Variants in PCDHA6 observed in about 807,000 individuals in gnomAD.
PCDHA6 encodes protocadherin alpha 6.
In PCDHA6, 55 loss-of-function variants were observed where a neutral mutation model predicts 60.3. That is an observed-to-expected ratio of 0.91 (90% CI 0.73 to 1.14). The LOEUF (loss-of-function observed/expected upper bound fraction) is 1.14. PCDHA6 is among the 50% of genes most tolerant of loss of function. The pLI, the probability that PCDHA6 is intolerant of heterozygous loss-of-function variation, is 0.00. For synonymous variants in PCDHA6, 652 were observed against 557.9 expected, an observed-to-expected ratio of 1.17 and a Z score of -2.38; for missense variants, 1,327 against 1,256.5, an observed-to-expected ratio of 1.06 and a Z score of -0.85.
intron 1 of PCDHA6, chr5:140,867,147 C>T (rs1554160998): frequency 6.6e-6 from 1 of 152,068 alleles, no homozygotes; most frequent in East Asian, 1.9e-4. Flanking sequence ...TATCATTTTT[C>T]CAGAGTAAAC....
rs146587864 is a variant in PCDHA6 at position 140,950,030 on chromosome 5, A to G, written c.2395-28919A>G. Among the ~76,000 whole-genome samples the G allele has an allele frequency of 2.6e-4, 39 of 152,064 alleles. 1 individual carries two copies. The East Asian group carries it at 4.8e-3, about 19-fold the overall frequency. On this transcript the variant is annotated intron_variant, in intron 1 of 3. Transcript: ENST00000529310. ...TGTACAACCTTCATAAAATATAGAA[A>G]AGTTACAACCATATAAGACTATTTA...
intron 1 of PCDHA6, chr5:140,968,638 A>T: frequency 6.2e-7 from 1 of 1,614,184 alleles, no homozygotes; most frequent in Non-Finnish European, 8.5e-7. Context: ...TTTACCATCT[A>T]GCCCAGACTT....
In PCDHA6 at chr5:141,010,369, G is replaced by A. The variant is rs963959073; in HGVS notation, c.*432G>A. The A allele has an allele frequency of 1.8e-4, 270 of 1,474,338 alleles. No homozygotes were observed. The highest frequency in any genetic ancestry group is 7.1e-5 in the Non-Finnish European group (79 of 1,109,414). 91.3% of individuals were successfully genotyped at this position (1,474,338 alleles called of 1,614,324 possible). On this transcript the variant is annotated 3_prime_UTR_variant, in exon 4 of 4. Transcript: ENST00000529310. ...GTATGTGTGGCTACCGCGGGTATGCGAGTGCCAGATATTGGCTGAGACGAG... is the reference window on the plus strand; with the variant it reads ...GTATGTGTGGCTACCGCGGGTATGCAAGTGCCAGATATTGGCTGAGACGAG...
chr5:140,967,503 G>A (rs369053625), intron 1 of PCDHA6: 14 of 1,612,820 alleles, frequency 8.7e-6, no homozygotes, highest in African/African-American at 2.7e-5. Flanking sequence ...ATCTCTGTGC[G>A]TGTCCTGGAC....
At chr5:140,959,506 A>G (rs1554224114) in intron 1 of PCDHA6, among the ~76,000 whole-genome samples, 6 of 152,226 alleles carry the variant, frequency 3.9e-5, no homozygotes. Flanking sequence ...AAACTAAAAA[A>G]TTTTAAGATC....
chr5:140,917,485 C>T (rs191372458), intron 1 of PCDHA6, among the ~76,000 whole-genome samples: 1 of 152,326 alleles, frequency 6.6e-6, no homozygotes, highest in Admixed American at 6.5e-5. Flanking sequence ...TTGCCAGGGC[C>T]TATGCCCAGA....
At chr5:140,937,981 T>TA (rs1554211927) in intron 1 of PCDHA6, among the ~76,000 whole-genome samples, 2 of 152,254 alleles carry the variant, frequency 1.3e-5, no homozygotes, top group Non-Finnish European at 2.9e-5. Flanking sequence ...ATACTGATTT[T>TA]ATGTTAACTT....
intron 1 of PCDHA6, among the ~76,000 whole-genome samples, chr5:140,879,020 TATTG>T (rs1366518511): frequency 6.6e-6 from 1 of 152,230 alleles, no homozygotes; most frequent in African/African-American, 2.4e-5. Context: ...GATAATGTTT[TATTG>T]AAGAGTGTCT....
Position 140,851,360 on chromosome 5 carries a change from A to C in PCDHA6, c.2394+20875A>C, listed in dbSNP as rs1554145369. 3.1e-6 allele frequency: 3 copies of C among 978,096 alleles called. No homozygotes were observed. In the African/African-American group the frequency reaches 5.2e-5, roughly 17 times the overall value. 60.6% of individuals were successfully genotyped at this position (978,096 alleles called of 1,614,324 possible). On this transcript the variant is annotated intron_variant, in intron 1 of 3. Transcript: ENST00000529310. ...TACATTTCTCTGGATGGAGACTGTG[A>C]ACATCTGATTGTTCAGCAACCTTCA...
chr5:140,925,203 A>G (rs1201965893), intron 1 of PCDHA6, among the ~76,000 whole-genome samples: 4 of 152,310 alleles, frequency 2.6e-5, no homozygotes, highest in South Asian at 4.1e-4. Flanking sequence ...TTCAATAATT[A>G]TCGATACTTT....
intron 1 of PCDHA6, among the ~76,000 whole-genome samples, chr5:140,909,158 A>G (rs2074345366): frequency 6.6e-6 from 1 of 152,338 alleles, no homozygotes; most frequent in Non-Finnish European, 1.5e-5. Flanking sequence ...TATGGAAGGG[A>G]AAATCAATCA....
intron 3 of PCDHA6, among the ~76,000 whole-genome samples, chr5:140,997,598 TG>T (rs1182118908): frequency 6.6e-5 from 10 of 152,124 alleles, no homozygotes; most frequent in Admixed American, 2.0e-4. Context: ...AACATGATTA[TG>T]GGGCGCATGA....
In PCDHA6 at chr5:140,830,166, C is replaced by T. The variant is rs144102346; in HGVS notation, c.2075C>T (p.Ala692Val). ...ASVGAAGPEA[A>V]LVDVNVYLII... is the part of the protein sequence containing the mutation. Reference sequence around the variant, plus strand: ...GTGGGCGCCGCGGGCCCAGAGGCGGCGCTGGTGGATGTCAACGTGTACCTG... The same window carrying T: ...GTGGGCGCCGCGGGCCCAGAGGCGGTGCTGGTGGATGTCAACGTGTACCTG... Residue 692 changes from alanine (A) to valine (V), a missense_variant, in exon 1 of 4, where the codon GCG becomes GTG. Transcript: ENST00000529310. 1.9e-4 allele frequency: 303 copies of T among 1,613,518 alleles called. 1 individual carries two copies. The African/African-American group carries it at 3.5e-3, about 18-fold the overall frequency.
intron 1 of PCDHA6, among the ~76,000 whole-genome samples, chr5:140,914,601 T>G (rs190275610): frequency 1.8e-4 from 27 of 152,294 alleles, no homozygotes; most frequent in Non-Finnish European, 3.7e-4. Context: ...AGGAACTTCC[T>G]CCTGCCATTT....
intron 1 of PCDHA6, among the ~76,000 whole-genome samples, chr5:140,944,212 G>A (rs2093625655): frequency 6.6e-6 from 1 of 152,158 alleles, no homozygotes; most frequent in Non-Finnish European, 1.5e-5. Flanking sequence ...TTTTTAAAGA[G>A]GGTTTTACTC....
intron 1 of PCDHA6, among the ~76,000 whole-genome samples, chr5:140,845,317 T>C (rs1779816111): frequency 6.7e-6 from 1 of 149,682 alleles, no homozygotes; most frequent in Non-Finnish European, 1.5e-5. Context: ...TCTCAGGTAT[T>C]ACTTTAATTA....
intron 1 of PCDHA6, chr5:140,928,403 G>A (rs1554205862): frequency 6.2e-7 from 1 of 1,613,964 alleles, no homozygotes; most frequent in Non-Finnish European, 8.5e-7. Context: ...GAATCATCCA[G>A]TGGGGCCATC....
chr5:140,927,706 C>G lies in PCDHA6; in HGVS notation c.2395-51243C>G, dbSNP rs1584519766. The G allele has an allele frequency of 1.2e-6, 2 of 1,614,108 alleles. No homozygotes were observed. Among genetic ancestry groups the G allele is most frequent in the African/African-American group, 2.7e-5 (2 of 74,940 alleles). Reference sequence around the variant, plus strand: ...GTCCAATGGGGAAGTCCAGTACTCCCTAAGCAACAGCACGCAAGCAGAGCT... The same window carrying G: ...GTCCAATGGGGAAGTCCAGTACTCCGTAAGCAACAGCACGCAAGCAGAGCT... On this transcript the variant is annotated intron_variant, in intron 1 of 3. Coordinates refer to ENST00000529310, the MANE Select transcript of PCDHA6 (RefSeq NM_018909.4).
At chr5:140,845,811 T>C (rs200141146) in intron 1 of PCDHA6, among the ~76,000 whole-genome samples, 1 of 149,748 alleles carries the variant, frequency 6.7e-6, no homozygotes, top group South Asian at 2.1e-4. Context: ...GATAGGTACA[T>C]AATAAAATTT....
Sources: allele counts gnomAD v4.1 joint callset (sites outside exome capture counted in the v4.1 genomes callset), GRCh38; gene constraint gnomAD v4.1.1; transcripts MANE v1.5; gene names NCBI Gene and HGNC (gene_info 2026-07-23, HGNC 2026-07-21).